Variants in ADGRL2 observed in about 807,000 individuals in gnomAD.
ADGRL2 encodes the protein calcium-independent alpha-latrotoxin receptor 2.
In ADGRL2, 44 loss-of-function variants were observed where a neutral mutation model predicts 157.4. The observed-to-expected ratio is 0.28, with a 90% CI of 0.22 to 0.36. The LOEUF (loss-of-function observed/expected upper bound fraction) is 0.36. ADGRL2 is among the 10% of genes least tolerant of loss of function. ADGRL2 has a pLI of 1.00. For missense variants in ADGRL2, 1,510 were observed against 1,768.9 expected, an observed-to-expected ratio of 0.85 and a Z score of 2.63; for synonymous variants, 585 against 624.7, an observed-to-expected ratio of 0.94 and a Z score of 0.95.
chr1:81,790,799 T>G (rs2087299068), intron 2 of ADGRL2, among the ~76,000 whole-genome samples: 1 of 152,184 alleles, frequency 6.6e-6, no homozygotes, highest in Admixed American at 6.5e-5. Flanking sequence ...CATACCATTC[T>G]GAATAGTATA....
chr1:81,663,841 T>A (rs2082705169), intron 3 of ADGRL2, among the ~76,000 whole-genome samples: 1 of 152,220 alleles, frequency 6.6e-6, no homozygotes, highest in Non-Finnish European at 1.5e-5. Flanking sequence ...CTACTTGTTC[T>A]CACAGTACTT....
intron 1 of ADGRL2, among the ~76,000 whole-genome samples, chr1:81,812,531 T>G (rs1557689913): frequency 6.6e-6 from 1 of 151,766 alleles, no homozygotes; most frequent in East Asian, 1.9e-4. Flanking sequence ...TTTGAGATTA[T>G]AATTTTTTAT....
intron 2 of ADGRL2, among the ~76,000 whole-genome samples, chr1:81,891,943 A>G (rs1326385003): frequency 3.4e-5 from 5 of 148,876 alleles, no homozygotes; most frequent in African/African-American, 1.0e-4. Context: ...GCAGAACATA[A>G]TAAGTGTGGC....
chr1:81,543,307 G>C (rs2079934108), intron 2 of ADGRL2, among the ~76,000 whole-genome samples: 1 of 151,808 alleles, frequency 6.6e-6, no homozygotes, highest in African/African-American at 2.4e-5. Flanking sequence ...CCTCACTAAA[G>C]TCCCAAGGGA....
At chr1:81,541,859 G>A (rs1472006953) in intron 2 of ADGRL2, among the ~76,000 whole-genome samples, 1 of 151,994 alleles carries the variant, frequency 6.6e-6, no homozygotes, top group African/African-American at 2.4e-5. Context: ...TCGGGAGGCT[G>A]AGGCAGGAGA....
At chr1:81,607,324 C>A (rs920717522) in intron 3 of ADGRL2, among the ~76,000 whole-genome samples, 1 of 152,114 alleles carries the variant, frequency 6.6e-6, no homozygotes, top group Non-Finnish European at 1.5e-5. Flanking sequence ...GGGGACTTAC[C>A]GGTGAATGAA....
intron 1 of ADGRL2, among the ~76,000 whole-genome samples, chr1:81,720,179 CTTTTCTTT>C (rs2084255100): frequency 7.2e-6 from 1 of 138,888 alleles, no homozygotes; most frequent in African/African-American, 2.6e-5. Context: ...TCCTTTTTTT[CTTTTCTTT>C]TTTTTTTTTT....
rs142686622 is a variant in ADGRL2, at chr1:81,604,460, T to G, written c.-143+23480T>G. ...GGAAGTGCAAGTTGCCTTCACAAGA[T>G]TCAAGTAAATATAAGACCAAATCAA... On this transcript the variant is annotated intron_variant, in intron 3 of 24. Coordinates refer to the ADGRL2 transcript ENST00000370721. 3.9e-4 allele frequency among the ~76,000 whole-genome samples: 59 copies of G among 152,290 alleles called. No homozygotes were observed. In the East Asian group the frequency reaches 0.011, roughly 28 times the overall value.
At chr1:81,342,303 C>T (rs772700937) in intron 1 of ADGRL2, among the ~76,000 whole-genome samples, 19 of 152,172 alleles carry the variant, frequency 1.2e-4, no homozygotes, top group South Asian at 6.2e-4. Context: ...GAAATTACAA[C>T]AAATACTGAG....
intron 1 of ADGRL2, among the ~76,000 whole-genome samples, chr1:81,384,758 T>C (rs1049674340): frequency 1.3e-5 from 2 of 152,140 alleles, no homozygotes; most frequent in East Asian, 1.9e-4. Flanking sequence ...TATCCACAAT[T>C]ACTAATATAT....
chr1:81,575,120 A>G (rs2080771857), intron 2 of ADGRL2, among the ~76,000 whole-genome samples: 1 of 152,196 alleles, frequency 6.6e-6, no homozygotes, highest in Non-Finnish European at 1.5e-5. Flanking sequence ...CACATACTCA[A>G]TGGCAAAGTG....
chr1:81,752,703 C>G lies in ADGRL2; in HGVS notation c.-142-9108C>G, dbSNP rs541780231. ...CACACCTGGCTAATTTTTGTAGACA[C>G]AGGGTTTTGCCATGTTGCTGGGATA... On this transcript the variant is annotated intron_variant, in intron 1 of 20. Transcript: ENST00000359929. Among the ~76,000 whole-genome samples the G allele has an allele frequency of 1.6e-4, 24 of 152,216 alleles. 1 individual carries two copies. The South Asian group carries it at 2.7e-3, about 17-fold the overall frequency.
chr1:81,898,786 A>G (rs1048247805), intron 2 of ADGRL2, among the ~76,000 whole-genome samples: 2 of 152,154 alleles, frequency 1.3e-5, no homozygotes, highest in African/African-American at 4.8e-5. Context: ...AGCTTTCTGG[A>G]TGCTTCTAAA....
intron 3 of ADGRL2, among the ~76,000 whole-genome samples, chr1:81,911,244 C>A (rs1202012893): frequency 6.6e-6 from 1 of 151,952 alleles, no homozygotes; most frequent in Non-Finnish European, 1.5e-5. Flanking sequence ...AAATGAAATG[C>A]TTTCTTAAAA....
chr1:81,602,946 G>A (rs570401551), intron 3 of ADGRL2, among the ~76,000 whole-genome samples: 15 of 150,932 alleles, frequency 9.9e-5, no homozygotes, highest in Middle Eastern at 6.9e-3. Context: ...CTAGCAGCAC[G>A]AGAGACTGCA....
At chr1:81,696,522 G>A (rs2083446524), upstream of ADGRL2, among the ~76,000 whole-genome samples, 1 of 152,122 alleles carries the variant, frequency 6.6e-6, no homozygotes, top group African/African-American at 2.4e-5. Context: ...GGAGGCTGAG[G>A]CGGGCGGATC....
At chr1:81,952,627 T>A (rs1353317892) in intron 9 of ADGRL2, among the ~76,000 whole-genome samples, 1 of 152,152 alleles carries the variant, frequency 6.6e-6, no homozygotes, top group Admixed American at 6.6e-5. Context: ...TTTTTCCTAT[T>A]ATGACAAAAG....
At chr1:81,384,730 A>G (rs1383648306) in intron 1 of ADGRL2, among the ~76,000 whole-genome samples, 1 of 152,122 alleles carries the variant, frequency 6.6e-6, no homozygotes, top group Non-Finnish European at 1.5e-5. Context: ...AAGATTTAGA[A>G]CACTCTAAGT....
At chr1:81,519,530 A>G (rs1309499034) in intron 2 of ADGRL2, among the ~76,000 whole-genome samples, 1 of 152,248 alleles carries the variant, frequency 6.6e-6, no homozygotes, top group African/African-American at 2.4e-5. Flanking sequence ...GAAGCAACAA[A>G]TAATCTAAAT....
Sources: allele counts gnomAD v4.1 joint callset (sites outside exome capture counted in the v4.1 genomes callset), GRCh38; gene constraint gnomAD v4.1.1; transcripts MANE v1.5; gene names NCBI Gene and HGNC (gene_info 2026-07-23, HGNC 2026-07-21).